The following WDPCP variants were observed in gnomAD, a reference collection of about 807,000 sequenced individuals.
WDPCP encodes WD repeat containing planar cell polarity effector, also known as WD repeat-containing and planar cell polarity effector protein fritz homolog.
In WDPCP, 71 loss-of-function variants were observed where a neutral mutation model predicts 93.1. That is an observed-to-expected ratio of 0.76 (90% CI 0.63 to 0.93). WDPCP has a LOEUF of 0.93. Among genes scored for constraint, WDPCP ranks in the 40% least tolerant of loss-of-function variants. The pLI, the probability that WDPCP is intolerant of heterozygous loss-of-function variation, is 0.00. For synonymous variants in WDPCP, 315 were observed against 315.0 expected (o/e 1.00, Z 0.00); for missense variants, 844 against 887.4 (o/e 0.95, Z 0.62).
chr2:63,207,950 A>G (rs1676467614), intron 14 of WDPCP, among the ~76,000 whole-genome samples: 1 of 151,932 alleles, frequency 6.6e-6, no homozygotes, highest in Non-Finnish European at 1.5e-5. Flanking sequence ...TTCCTCTTTT[A>G]AATTCTCTAG....
intron 2 of WDPCP, among the ~76,000 whole-genome samples, chr2:63,706,600 C>CTTTTTTTT (rs896018299): frequency 1.6e-4 from 10 of 61,700 alleles, no homozygotes; most frequent in Non-Finnish European, 2.7e-4. Flanking sequence ...AAATTCTTTT[C>CTTTTTTTT]TTTTTTTTTT....
intron 10 of WDPCP, among the ~76,000 whole-genome samples, chr2:63,382,411 T>G (rs1018631816): frequency 5.9e-5 from 9 of 152,108 alleles, no homozygotes; most frequent in Admixed American, 6.6e-5. Flanking sequence ...AAATTAATAA[T>G]TTCTGTGTAT....
intron 13 of WDPCP, among the ~76,000 whole-genome samples, chr2:63,284,731 A>T (rs982160046): frequency 6.6e-6 from 1 of 152,180 alleles, no homozygotes; most frequent in African/African-American, 2.4e-5. Flanking sequence ...ACAACACAAG[A>T]TTTCATCATG....
rs149559615 is a variant in WDPCP, at chr2:63,668,625, T to C, written n.309-17787A>G. ...GACCAAGGTCTGTGCTTCCCTCCCC[T>C]GCTGGCAGTCCCACAAATGGGGTGA... On this transcript the variant is annotated intron_variant and non_coding_transcript_variant, in intron 2 of 4. Coordinates refer to the WDPCP transcript ENST00000467687. 2.4e-3 allele frequency among the ~76,000 whole-genome samples: 368 copies of C among 152,354 alleles called. 1 individual carries two copies. The highest frequency in any genetic ancestry group is 8.2e-3 in the African/African-American group (343 of 41,588).
At chr2:63,241,287 G>A (rs1419527653) in intron 14 of WDPCP, among the ~76,000 whole-genome samples, 4 of 152,118 alleles carry the variant, frequency 2.6e-5, no homozygotes, top group African/African-American at 4.8e-5. Flanking sequence ...AGGTAGTAAG[G>A]TTTAGATCAA....
At chr2:63,343,317 A>G (rs1263509795) in intron 12 of WDPCP, among the ~76,000 whole-genome samples, 1 of 151,600 alleles carries the variant, frequency 6.6e-6, no homozygotes, top group African/African-American at 2.4e-5. Context: ...AACAGTTTGC[A>G]TATGTCTTCT....
At chr2:63,745,282 T>C (rs1669778407) in intron 2 of WDPCP, among the ~76,000 whole-genome samples, 1 of 152,144 alleles carries the variant, frequency 6.6e-6, no homozygotes, top group South Asian at 2.1e-4. Context: ...AACCTTAAGT[T>C]TCCCAAAGCA....
intron 2 of WDPCP, among the ~76,000 whole-genome samples, chr2:63,714,695 G>A (rs1669309695): frequency 6.6e-6 from 1 of 152,126 alleles, no homozygotes; most frequent in South Asian, 2.1e-4. Context: ...CGGGCATGGT[G>A]GCACGCACCT....
chr2:63,571,600 AT>A (rs1314892131), intron 1 of WDPCP: 4 of 470,902 alleles, frequency 8.5e-6, no homozygotes, highest in African/African-American at 2.0e-5. Context: ...GGTTTTCTGT[AT>A]TTTGTCCAGA....
chr2:63,261,680 T>G (rs1389254937), intron 13 of WDPCP, among the ~76,000 whole-genome samples: 1 of 152,190 alleles, frequency 6.6e-6, no homozygotes, highest in Non-Finnish European at 1.5e-5. Flanking sequence ...AAAATTGTCC[T>G]CTTTTAATTT....
At chr2:63,720,374 G>A (rs1007849875) in intron 2 of WDPCP, among the ~76,000 whole-genome samples, 2 of 149,606 alleles carry the variant, frequency 1.3e-5, no homozygotes, top group South Asian at 2.1e-4. Context: ...CCGAGATTGC[G>A]CCACTGCACT....
intron 13 of WDPCP, among the ~76,000 whole-genome samples, chr2:63,276,597 G>A (rs1683105978): frequency 1.3e-5 from 2 of 152,168 alleles, no homozygotes; most frequent in South Asian, 4.1e-4. Context: ...GAAAGTCTCA[G>A]CAATAGAACT....
At chr2:63,771,124 G>A (rs753095747) in intron 2 of WDPCP, among the ~76,000 whole-genome samples, 12 of 151,344 alleles carry the variant, frequency 7.9e-5, no homozygotes, top group South Asian at 4.2e-4. Context: ...CCTGAGAATC[G>A]CTGAGCTAAT....
At chr2:63,235,168 A>G (rs1298740719) in intron 14 of WDPCP, among the ~76,000 whole-genome samples, 2 of 152,178 alleles carry the variant, frequency 1.3e-5, no homozygotes, top group African/African-American at 2.4e-5. Context: ...AGACATTACA[A>G]CAGATCCCAC....
chr2:63,522,451 G>GACACACACACACACACAC (rs1342647114), intron 1 of WDPCP, among the ~76,000 whole-genome samples: 1 of 92,070 alleles, frequency 1.1e-5, no homozygotes, highest in Non-Finnish European at 2.1e-5. Flanking sequence ...CAGACAGACA[G>GACACACACACACACACAC]ACAGACACAC....
chr2:63,672,303 C>G (rs1260255497), intron 2 of WDPCP, among the ~76,000 whole-genome samples: 1 of 152,190 alleles, frequency 6.6e-6, no homozygotes, highest in African/African-American at 2.4e-5. Flanking sequence ...AAAGAAAGAA[C>G]TGAGTTTACT....
At chr2:63,207,147 C>T (rs1296859409) in intron 14 of WDPCP, among the ~76,000 whole-genome samples, 3 of 152,170 alleles carry the variant, frequency 2.0e-5, no homozygotes, top group Admixed American at 6.5e-5. Flanking sequence ...TATCACTAGT[C>T]CTTACATAGA....
the WDPCP span, among the ~76,000 whole-genome samples, chr2:63,837,181 C>T: frequency 6.6e-6 from 1 of 152,192 alleles, no homozygotes; most frequent in Non-Finnish European, 1.5e-5. Flanking sequence ...TCTTTCTCTT[C>T]CTCAAGTATT....
chr2:63,724,244 A>G (rs777608647), intron 2 of WDPCP, among the ~76,000 whole-genome samples: 11 of 152,246 alleles, frequency 7.2e-5, no homozygotes, highest in Non-Finnish European at 1.5e-4. Context: ...AAAATGGGCT[A>G]AAAGTACCAC....
Sources: gnomAD v4.1 joint callset for allele counts (sites outside exome capture counted in the v4.1 genomes callset) on GRCh38, gnomAD v4.1.1 for gene constraint, MANE v1.5 for transcripts, NCBI Gene and HGNC (gene_info 2026-07-23, HGNC 2026-07-21) for gene names.